TBX6: variants seen among roughly 807,000 people sequenced by gnomAD.
The protein encoded by TBX6 is T-box transcription factor TBX6.
TBX6 carries 29 observed loss-of-function variants against 42.3 expected under a neutral mutation model. The ratio of observed to expected loss-of-function variants is 0.69; its 90% CI spans 0.51 to 0.93. The LOEUF (loss-of-function observed/expected upper bound fraction) is 0.93, where lower values mean the gene tolerates loss of function less well. Ranked by LOEUF, TBX6 falls within the 40% of genes least tolerant of loss-of-function variation. The pLI is 0.00. For synonymous variants in TBX6, 249 were observed against 245.1 expected (o/e 1.02, Z -0.15); for missense variants, 569 against 603.3 (o/e 0.94, Z 0.59).
In TBX6 at chr16:30,086,072, A is replaced by C; in HGVS notation, c.*153T>G. On this transcript the variant is annotated 3_prime_UTR_variant, in exon 9 of 9. Transcript: ENST00000395224. This position sits in a 1 kb window ranked among gnomAD's most constrained non-coding sequence, Gnocchi z 4.6. ...GGCTTTGAAGCCAGAGGGGGGTGGG[A>C]GTGAAATCAAGGTGTGAAGTTGAGG... 1 of 592,402 alleles carries C rather than the reference A, an allele frequency of 1.7e-6. No individual in the cohort carries two copies. The highest frequency in any genetic ancestry group is 2.7e-6 in the Non-Finnish European group (1 of 374,570). The allele number at this position is 592,402 out of a possible 1,614,324, so 36.7% of individuals were successfully genotyped here.
Position 30,088,448 on chromosome 16 carries a change from C to T in TBX6, c.839+97G>A. On this transcript the variant is annotated intron_variant, in intron 6 of 8. Coordinates refer to ENST00000395224, the MANE Select transcript of TBX6 (RefSeq NM_004608.4). The surrounding 1 kb of genome is among the most constrained non-coding windows in gnomAD (Gnocchi z 4.1). ...GTCAGTGAATGAATGTTTTCACTTA[C>T]CACTGCATTTCTGATGTCCAGCACG... 6.6e-7 allele frequency: 1 copy of T among 1,522,122 alleles called. No individual in the cohort carries two copies. Among genetic ancestry groups the T allele is most frequent in the Non-Finnish European group, 9.1e-7 (1 of 1,099,222 alleles). The allele number at this position is 1,522,122 out of a possible 1,614,324, so 94.3% of individuals were successfully genotyped here. A position where few individuals can be genotyped will look rare whatever the true frequency, so the allele number is the denominator to read the frequency against.
rs200579609 is a variant in TBX6 at position 30,088,611 on chromosome 16, G to A, written c.773C>T (p.Thr258Ile). 4.3e-6 allele frequency: 7 copies of A among 1,614,198 alleles called. No individual in the cohort carries two copies. Among genetic ancestry groups the A allele is most frequent in the African/African-American group, 1.3e-5 (1 of 75,040 alleles). The change falls in exon 6 of 9, where the codon ACA becomes ATA. Residue 258 changes from threonine to isoleucine, a missense_variant. Physicochemically the swap from Thr to Ile is moderately conservative, Grantham distance 89. Coordinates refer to ENST00000395224, the MANE Select transcript of TBX6 (RefSeq NM_004608.4). This position sits in a 1 kb window ranked among gnomAD's most constrained non-coding sequence, Gnocchi z 4.1. ...GGGATTGGCTGCAATCTTCAGTTGT[G>A]TGATCTGGGGACACACATGCAGGGT... ...SVTAYQNPQI[T>I]QLKIAANPFA...
chr16:30,091,554 GC>G, intron 1 of TBX6: 1 of 210,498 alleles, frequency 4.8e-6, no homozygotes, highest in Non-Finnish European at 9.7e-6. Flanking sequence ...ACGGTGGGGA[GC>G]CCCGGCTAGG....
At position 30,091,106 on chromosome 16, in the gene TBX6, G is replaced by A. The variant is rs555514323; in HGVS notation, c.88C>T (p.Pro30Ser). 5.0e-6 allele frequency: 8 copies of A among 1,586,184 alleles called. No individual in the cohort carries two copies. The South Asian group carries it at 8.0e-5, about 16-fold the overall frequency. ...TAGCGGTAGCCCTCCGCTAGGGCGG[G>A]TGGGAAGCTGGAGTCGGCCCCAGGT... ...AQPGADSSFP[P>S]ALAEGYRYPE... The change falls in exon 2 of 9, where the codon CCC becomes TCC. Residue 30 changes from proline to serine, a missense_variant. Around this residue, in one of 3 missense-constraint regions of TBX6, gnomAD observed 134 missense variants for 125.3 expected, o/e 1.07. Transcript: ENST00000395224.
At position 30,086,155 on chromosome 16, in the gene TBX6, T is replaced by A. The variant is rs1438905581; in HGVS notation, c.*70A>T. On this transcript the variant is annotated 3_prime_UTR_variant, in exon 9 of 9. Transcript: ENST00000395224. This position sits in a 1 kb window ranked among gnomAD's most constrained non-coding sequence, Gnocchi z 4.6. The stretch of plus-strand genomic sequence containing the variant: ...GTGTGGGGGATGGGGCCGGTGGAGG[T>A]GAGGGGGCTCCAGGGCTGGGGGAAG... 3 of 1,381,860 alleles carry A rather than the reference T, an allele frequency of 2.2e-6. No individual in the cohort carries two copies. The highest frequency in any genetic ancestry group is 2.8e-6 in the Non-Finnish European group (3 of 1,053,624). The allele number at this position is 1,381,860 out of a possible 1,614,324, so 85.6% of individuals were successfully genotyped here.
chr16:30,091,512 T>G, intron 1 of TBX6: 1 of 255,466 alleles, frequency 3.9e-6, no homozygotes, highest in Non-Finnish European at 7.6e-6. Flanking sequence ...GGGACGCAGT[T>G]TGGCGCTTCC....
In TBX6 at chr16:30,086,082, A is replaced by G. The variant is rs1377200295; in HGVS notation, c.*143T>C. The G allele has an allele frequency of 2.1e-5, 13 of 612,790 alleles. No individual in the cohort carries two copies. Among genetic ancestry groups the G allele is most frequent in the Admixed American group, 1.2e-4 (2 of 16,922 alleles). The allele number at this position is 612,790 out of a possible 1,614,324, so 38.0% of individuals were successfully genotyped here. A position where few individuals can be genotyped will look rare whatever the true frequency, so the allele number is the denominator to read the frequency against. On this transcript the variant is annotated 3_prime_UTR_variant, in exon 9 of 9. Transcript: ENST00000395224. The surrounding 1 kb of genome is among the most constrained non-coding windows in gnomAD (Gnocchi z 4.6). ...CCAGAGGGGGGTGGGAGTGAAATCAAGGTGTGAAGTTGAGGGGGTGGGTGG... is the reference window on the plus strand; with the variant it reads ...CCAGAGGGGGGTGGGAGTGAAATCAGGGTGTGAAGTTGAGGGGGTGGGTGG...
chr16:30,087,208 G>A (rs2072649795), intron 6 of TBX6, among the ~76,000 whole-genome samples: 1 of 152,072 alleles, frequency 6.6e-6, no homozygotes, highest in South Asian at 2.1e-4. Context: ...TTCACGGGCT[G>A]AACCTGTCCT....
Position 30,086,371 on chromosome 16 carries a change from G to A in TBX6, c.1165C>T (p.Leu389=). The A allele has an allele frequency of 1.3e-6, 2 of 1,577,650 alleles. No homozygotes were observed. The highest frequency in any genetic ancestry group is 1.7e-6 in the Non-Finnish European group (2 of 1,169,600). ...SAPYSAAFLE[L]PHGSGGSGYP... is the part of the protein sequence containing the mutation. ...CCGGAGCCCCCTGACCCGTGCGGCA[G>A]CTCCAGAAATGCAGCCGAGTAGGGG... The change falls in exon 9 of 9, where the codon CTG becomes TTG. Residue 389 remains leucine, a synonymous_variant. Transcript: ENST00000395224. The surrounding 1 kb of genome is among the most constrained non-coding windows in gnomAD (Gnocchi z 4.6).
At position 30,088,532 on chromosome 16, in the gene TBX6, G is replaced by T; in HGVS notation, c.839+13C>A. ...TTGTTGAATGCATGAACAAATGAAT[G>T]AACAACTCCCACCTCTTACAGTTTC... is the stretch of plus-strand genomic sequence containing the variant. On this transcript the variant is annotated intron_variant, in intron 6 of 8. Coordinates refer to ENST00000395224, the MANE Select transcript of TBX6 (RefSeq NM_004608.4). This position sits in a 1 kb window ranked among gnomAD's most constrained non-coding sequence, Gnocchi z 4.1. 1 of 1,614,172 alleles carries T rather than the reference G, an allele frequency of 6.2e-7. No individual in the cohort carries two copies. The highest frequency in any genetic ancestry group is 2.2e-5 in the East Asian group (1 of 44,878).
At chr16:30,089,787 G>A (rs529744037) in intron 3 of TBX6, among the ~76,000 whole-genome samples, 12 of 152,004 alleles carry the variant, frequency 7.9e-5, no homozygotes, top group South Asian at 6.2e-4. Context: ...AAAATTAGCC[G>A]GGTGTGGTGG....
Position 30,088,407 on chromosome 16 carries a change from TA to T in TBX6, c.839+137del. 1 of 1,183,648 alleles carries T rather than the reference TA, an allele frequency of 8.4e-7. No individual in the cohort carries two copies. 73.3% of individuals were successfully genotyped at this position (1,183,648 alleles called of 1,614,324 possible). A position where few individuals can be genotyped will look rare whatever the true frequency, so the allele number is the denominator to read the frequency against. On this transcript the variant is annotated intron_variant, in intron 6 of 8. Coordinates refer to ENST00000395224, the MANE Select transcript of TBX6 (RefSeq NM_004608.4). This position sits in a 1 kb window ranked among gnomAD's most constrained non-coding sequence, Gnocchi z 4.1. ...TGTCCCTGGCACATAGCAGGTACTATATAAGTATTTGCTGAGTCAGTGAATG... is the reference window on the plus strand; with the variant it reads ...TGTCCCTGGCACATAGCAGGTACTATTAAGTATTTGCTGAGTCAGTGAATG...
At position 30,085,856 on chromosome 16, in the gene TBX6, A is replaced by C; in HGVS notation, c.*369T>G. On this transcript the variant is annotated 3_prime_UTR_variant, in exon 9 of 9. Transcript: ENST00000395224. ...AAATACTCTGGTCCCAGAACAACAGACTGGTGTGGCCTGCACCAGTGTGTG... is the reference window on the plus strand; with the variant it reads ...AAATACTCTGGTCCCAGAACAACAGCCTGGTGTGGCCTGCACCAGTGTGTG... 3.8e-6 allele frequency: 1 copy of C among 266,410 alleles called. No homozygotes were observed. The highest frequency in any genetic ancestry group is 1.2e-4 in the East Asian group (1 of 8,034). 16.5% of individuals were successfully genotyped at this position (266,410 alleles called of 1,614,324 possible).
intron 3 of TBX6, 61 bp from the exon 4 acceptor site, chr16:30,089,271 C>A: frequency 6.4e-7 from 1 of 1,562,788 alleles, no homozygotes; most frequent in Non-Finnish European, 8.7e-7. Context: ...GTGGGCCCAG[C>A]ACCAGTAACG....
rs1376826003 is a variant in TBX6, at chr16:30,086,238, T to C, written c.1298A>G (p.Lys433Arg). The change falls in exon 9 of 9, where the codon AAA becomes AGA. Residue 433 changes from lysine (K) to arginine (R), a missense_variant. Physicochemically the swap from Lys to Arg is conservative, Grantham distance 26 (BLOSUM62 2). Around this residue, in one of 3 missense-constraint regions of TBX6, gnomAD observed 245 missense variants for 227.4 expected, o/e 1.08. Coordinates refer to ENST00000395224, the MANE Select transcript of TBX6 (RefSeq NM_004608.4). This position sits in a 1 kb window ranked among gnomAD's most constrained non-coding sequence, Gnocchi z 4.6. ...CCCAGCAGTGGTTCAGTACATGGGT[T>C]TGGAGCCCACATCCAGATAGCCCCC... ...APGGYLDVGS[K>R]PMY 1 of 1,611,674 alleles carries C rather than the reference T, an allele frequency of 6.2e-7. No individual in the cohort carries two copies. Among genetic ancestry groups the C allele is most frequent in the Non-Finnish European group, 8.5e-7 (1 of 1,179,620 alleles).
At position 30,085,988 on chromosome 16, in the gene TBX6, G is replaced by A. The variant is rs968364362; in HGVS notation, c.*237C>T. The A allele has an allele frequency of 5.0e-5, 26 of 522,236 alleles. No individual in the cohort carries two copies. Among genetic ancestry groups the A allele is most frequent in the African/African-American group, 2.2e-4 (11 of 50,574 alleles). 32.4% of individuals were successfully genotyped at this position (522,236 alleles called of 1,614,324 possible). Reference sequence around the variant, plus strand: ...CAGGCAGAGCCCCTTCCATTCACACGGAGGTGAGAGCCGGGAAGGGGAAGC... The same window carrying A: ...CAGGCAGAGCCCCTTCCATTCACACAGAGGTGAGAGCCGGGAAGGGGAAGC... On this transcript the variant is annotated 3_prime_UTR_variant, in exon 9 of 9. Transcript: ENST00000395224.
intron 1 of TBX6, 92 bp from the exon 2 acceptor site, chr16:30,091,333 G>C (rs1596856790): frequency 1.3e-6 from 1 of 756,854 alleles, no homozygotes; most frequent in South Asian, 1.9e-5. Context: ...GAGTTGGGCT[G>C]GGGTGGAGAC....
In TBX6 at chr16:30,088,303, A is replaced by C. The variant is rs2072670032; in HGVS notation, c.839+242T>G. On this transcript the variant is annotated intron_variant, in intron 6 of 8. Transcript: ENST00000395224. The surrounding 1 kb of genome is among the most constrained non-coding windows in gnomAD (Gnocchi z 4.1). ...ATTTATTTCTCTTGTCTGCTTGTCT[A>C]CTCTCCCCACTAGAAATCAGCTGCA... is the stretch of plus-strand genomic sequence containing the variant. 1 of 574,830 alleles carries C rather than the reference A, an allele frequency of 1.7e-6. No individual in the cohort carries two copies. The highest frequency in any genetic ancestry group is 1.9e-5 in the African/African-American group (1 of 52,444). The allele number at this position is 574,830 out of a possible 1,614,324, so 35.6% of individuals were successfully genotyped here.
In TBX6 at chr16:30,086,339, TG is replaced by T. The variant is rs1164166938; in HGVS notation, c.1196del (p.Pro399GlnfsTer99). On this transcript the variant is annotated frameshift_variant, in exon 9 of 9. Coordinates refer to ENST00000395224, the MANE Select transcript of TBX6 (RefSeq NM_004608.4). LOFTEE classifies it high-confidence loss of function. The surrounding 1 kb of genome is among the most constrained non-coding windows in gnomAD (Gnocchi z 4.6). ...LPHGSGGSGY[P>X]AAPPAVPFAP... Reference sequence around the variant, plus strand: ...CAAAGGGTACCGCCGGTGGAGCCGCTGGGTACCCGGAGCCCCCTGACCCGTG... The same window carrying T: ...CAAAGGGTACCGCCGGTGGAGCCGCTGGTACCCGGAGCCCCCTGACCCGTG... 6.2e-7 allele frequency: 1 copy of T among 1,603,798 alleles called. No individual in the cohort carries two copies. Among genetic ancestry groups the T allele is most frequent in the East Asian group, 2.2e-5 (1 of 44,768 alleles).
Sources: allele counts gnomAD v4.1 joint callset (sites outside exome capture counted in the v4.1 genomes callset), GRCh38; gene constraint gnomAD v4.1.1; regional missense constraint gnomAD v4.1.1; non-coding constraint Gnocchi (gnomAD v3.1); transcripts MANE v1.5; gene names NCBI Gene and HGNC (gene_info 2026-07-23, HGNC 2026-07-21).